MYO9B: variants seen among roughly 807,000 people sequenced by gnomAD.
The protein encoded by MYO9B is myosin IXB.
MYO9B carries 71 observed loss-of-function variants against 229.5 expected under a neutral mutation model. The ratio of observed to expected loss-of-function variants is 0.31; its 90% CI spans 0.26 to 0.38. MYO9B has a LOEUF of 0.38. Among genes scored for constraint, MYO9B ranks in the 10% least tolerant of loss-of-function variants. The pLI, the probability that MYO9B is intolerant of heterozygous loss-of-function variation, is 1.00. For synonymous variants in MYO9B, 1,185 were observed against 1,235.8 expected (o/e 0.96, Z 0.86); for missense variants, 2,255 against 2,920.5 (o/e 0.77, Z 5.25).
At chr19:17,157,652 G>A (rs1216889151) in intron 7 of MYO9B, 2 of 155,216 alleles carry the variant, frequency 1.3e-5, no homozygotes, top group African/African-American at 4.8e-5. Flanking sequence ...GACCGAGGCA[G>A]GAGGATCACT....
Position 17,101,312 on chromosome 19 carries a change from G to T in MYO9B, c.-58-348G>T, listed in dbSNP as rs1294856047. Among the ~76,000 whole-genome samples the T allele has an allele frequency of 6.6e-6, 1 of 151,896 alleles. No individual in the cohort carries two copies. Among genetic ancestry groups the T allele is most frequent in the Non-Finnish European group, 1.5e-5 (1 of 67,978 alleles). ...CCCATCTCAGCCTCCTGAGGAGCTG[G>T]GACCACAGGCGAGCACCACTATGCC... On this transcript the variant is annotated intron_variant, in intron 1 of 39. Coordinates refer to ENST00000682292, the MANE Select transcript of MYO9B (RefSeq NM_004145.4). The surrounding 1 kb of genome is among the most constrained non-coding windows in gnomAD (Gnocchi z 4.7).
At chr19:17,186,794 G>T (rs182208138) in intron 18 of MYO9B, among the ~76,000 whole-genome samples, 1 of 151,944 alleles carries the variant, frequency 6.6e-6, no homozygotes, top group Non-Finnish European at 1.5e-5. Flanking sequence ...ACAGTGGTGC[G>T]ATCTCGGCTC....
rs942604857 is a variant in MYO9B at position 17,212,498 on chromosome 19, C to G, written c.*188C>G. 6.5e-5 allele frequency: 40 copies of G among 616,580 alleles called. No individual in the cohort carries two copies. Among genetic ancestry groups the G allele is most frequent in the African/African-American group, 3.8e-5 (2 of 52,090 alleles). The allele number at this position is 616,580 out of a possible 1,614,324, so 38.2% of individuals were successfully genotyped here. A position where few individuals can be genotyped will look rare whatever the true frequency, so the allele number is the denominator to read the frequency against. ...GGAGAGGCCGGCTGGAGCCAGGCCC[C>G]CTCGCACGCAGCCCCCAAATCATGG... On this transcript the variant is annotated 3_prime_UTR_variant, in exon 40 of 40. Transcript: ENST00000682292. This position sits in a 1 kb window ranked among gnomAD's most constrained non-coding sequence, Gnocchi z 5.4.
chr19:17,181,361 A>G (rs2072858529), intron 15 of MYO9B, among the ~76,000 whole-genome samples: 1 of 152,210 alleles, frequency 6.6e-6, no homozygotes, highest in African/African-American at 2.4e-5. Context: ...TGCAGAGCAA[A>G]GCTTGCTCCC....
rs565956964 is a variant in MYO9B, at chr19:17,128,964, T to C, written c.841-16433T>C. 3.3e-5 allele frequency among the ~76,000 whole-genome samples: 5 copies of C among 152,332 alleles called. No individual in the cohort carries two copies. The South Asian group carries it at 1.0e-3, about 32-fold the overall frequency. ...GTTCTTTCTCCAGCCGCAGCCTCTC[T>C]TGGCCATACCGGTCACTCCTTCATC... On this transcript the variant is annotated intron_variant, in intron 2 of 39. Transcript: ENST00000682292.
chr19:17,154,558 G>A, intron 6 of MYO9B, 143 bp downstream of exon 6: 1 of 569,052 alleles, frequency 1.8e-6, no homozygotes, highest in Non-Finnish European at 3.0e-6. Flanking sequence ...AGGGAGTGTG[G>A]CCCAATAGCA....
intron 1 of MYO9B, among the ~76,000 whole-genome samples, chr19:17,082,920 C>T (rs1000707492): frequency 6.6e-6 from 1 of 152,016 alleles, no homozygotes; most frequent in South Asian, 2.1e-4. Flanking sequence ...CCCTCTTGCA[C>T]TCCGCACTCT....
At chr19:17,183,103 G>A (rs1212495894) in intron 15 of MYO9B, among the ~76,000 whole-genome samples, 3 of 152,056 alleles carry the variant, frequency 2.0e-5, no homozygotes, top group Admixed American at 6.6e-5. Flanking sequence ...TGTATTTTTA[G>A]TAGAGACAGG....
In MYO9B at chr19:17,172,281, A is replaced by G. The variant is rs375338159; in HGVS notation, c.1794-55A>G. 5 of 1,604,550 alleles carry G rather than the reference A, an allele frequency of 3.1e-6. No individual in the cohort carries two copies. The East Asian group carries it at 6.7e-5, about 22-fold the overall frequency. On this transcript the variant is annotated intron_variant, in intron 11 of 39. Transcript: ENST00000682292. This position sits in a 1 kb window ranked among gnomAD's most constrained non-coding sequence, Gnocchi z 8.2. Reference sequence around the variant, plus strand: ...CAGGGGTCTGCAAGATAAAATACACAGCAGGTAAATCAGCCGCTGTTCATG... The same window carrying G: ...CAGGGGTCTGCAAGATAAAATACACGGCAGGTAAATCAGCCGCTGTTCATG...
intron 2 of MYO9B, chr19:17,103,361 G>C: frequency 6.6e-6 from 1 of 152,386 alleles, no homozygotes. Flanking sequence ...AGGCCACAGG[G>C]GGAAGCACTG....
intron 1 of MYO9B, among the ~76,000 whole-genome samples, chr19:17,090,429 G>A (rs968784475): frequency 3.3e-5 from 5 of 152,152 alleles, no homozygotes; most frequent in African/African-American, 9.7e-5. Context: ...GAGATTAGAG[G>A]CGTGAGCCGC....
At chr19:17,162,596 G>C (rs2072615819) in intron 9 of MYO9B, 130 bp downstream of exon 9, 1 of 791,956 alleles carries the variant, frequency 1.3e-6, no homozygotes, top group Non-Finnish European at 2.0e-6. Context: ...TTCCCCACAA[G>C]GACAGGCCCA....
chr19:17,172,325 T>C lies in MYO9B; in HGVS notation c.1794-11T>C. 8 of 1,613,834 alleles carry C rather than the reference T, an allele frequency of 5.0e-6. No individual in the cohort carries two copies. The highest frequency in any genetic ancestry group is 6.8e-6 in the Non-Finnish European group (8 of 1,179,818). ...GTTCATGCCTGCAAAGGTTCCATGTTCTGTTCCCAGCTTCCCCCACGCCAC... is the reference window on the plus strand; with the variant it reads ...GTTCATGCCTGCAAAGGTTCCATGTCCTGTTCCCAGCTTCCCCCACGCCAC... On this transcript the variant is annotated splice_polypyrimidine_tract_variant and intron_variant, in intron 11 of 39. Coordinates refer to ENST00000682292, the MANE Select transcript of MYO9B (RefSeq NM_004145.4). This position sits in a 1 kb window ranked among gnomAD's most constrained non-coding sequence, Gnocchi z 8.2.
In MYO9B at chr19:17,193,583, C is replaced by G. The variant is rs1021210870; in HGVS notation, c.3128+521C>G. Among the ~76,000 whole-genome samples the G allele has an allele frequency of 6.6e-6, 1 of 152,160 alleles. No homozygotes were observed. Among genetic ancestry groups the G allele is most frequent in the Non-Finnish European group, 1.5e-5 (1 of 68,020 alleles). On this transcript the variant is annotated intron_variant, in intron 21 of 39. Transcript: ENST00000682292. This position sits in a 1 kb window ranked among gnomAD's most constrained non-coding sequence, Gnocchi z 4.3. ...CCGGAGCAGGCCCTACCCACACATG[C>G]AAAAGCCTCCTAGGCCAGGTGCAAT...
intron 11 of MYO9B, among the ~76,000 whole-genome samples, chr19:17,169,815 T>TCC (rs1251274506): frequency 7.1e-6 from 1 of 141,474 alleles, no homozygotes; most frequent in East Asian, 2.0e-4. Flanking sequence ...TTTTTTTTTT[T>TCC]TTTTTTTTTT....
chr19:17,107,362 G>A (rs937710232), intron 2 of MYO9B, among the ~76,000 whole-genome samples: 1 of 152,138 alleles, frequency 6.6e-6, no homozygotes, highest in African/African-American at 2.4e-5. Context: ...GAAATGACAC[G>A]CCCAGCCCCA....
At chr19:17,114,348 G>A (rs1405231610) in intron 2 of MYO9B, among the ~76,000 whole-genome samples, 8 of 152,062 alleles carry the variant, frequency 5.3e-5, no homozygotes, top group Admixed American at 1.3e-4. Context: ...GTTCTCCCTC[G>A]TCCCTTGGGG....
At chr19:17,135,954 C>CA (rs1189951954) in intron 2 of MYO9B, among the ~76,000 whole-genome samples, 2 of 152,108 alleles carry the variant, frequency 1.3e-5, no homozygotes, top group Non-Finnish European at 2.9e-5. Flanking sequence ...ACTACGGGGA[C>CA]CCTGACTCAG....
intron 1 of MYO9B, among the ~76,000 whole-genome samples, chr19:17,084,297 C>T (rs937156222): frequency 4.6e-5 from 7 of 150,768 alleles, no homozygotes; most frequent in Non-Finnish European, 1.0e-4. Flanking sequence ...AAGATGGTGC[C>T]ACTGCACTCC....
Sources: allele counts gnomAD v4.1 joint callset (sites outside exome capture counted in the v4.1 genomes callset), GRCh38; gene constraint gnomAD v4.1.1; non-coding constraint Gnocchi (gnomAD v3.1); transcripts MANE v1.5; gene names NCBI Gene and HGNC (gene_info 2026-07-23, HGNC 2026-07-21).